The following FAAP24 variants were observed in gnomAD, a reference collection of about 807,000 sequenced individuals.
FAAP24 encodes the protein Fanconi anemia core complex-associated protein 24.
Under a neutral mutation model 14.3 loss-of-function variants are expected in FAAP24, and 16 were observed. The observed-to-expected ratio is 1.12, with a 90% confidence interval of 0.76 to 1.69. The LOEUF (loss-of-function observed/expected upper bound fraction) is 1.69. Ranked by LOEUF, FAAP24 falls within the 40% of genes most tolerant of loss-of-function variation. FAAP24 has a pLI of 0.00. For synonymous variants in FAAP24, 111 were observed against 106.2 expected, an observed-to-expected ratio of 1.04 and a Z score of -0.28; for missense variants, 234 against 262.7, an observed-to-expected ratio of 0.89 and a Z score of 0.75.
intron 4 of FAAP24, 42 bp downstream of exon 4, chr19:32,974,254 A>G (rs1568304354): frequency 1.3e-6 from 2 of 1,572,920 alleles, no homozygotes; most frequent in East Asian, 2.3e-5. Context: ...TCCTGTCCTC[A>G]TGGACACTCA....
Position 32,973,262 on chromosome 19 carries a change from T to A in FAAP24, c.66T>A (p.Asn22Lys), listed in dbSNP as rs1051873950. 9 of 1,613,772 alleles carry A rather than the reference T, an allele frequency of 5.6e-6. No individual in the cohort carries two copies. The African/African-American group carries it at 9.4e-5, about 17-fold the overall frequency. Reference sequence around the variant, plus strand: ...TGCCTTTGGGGCATATTGTGGCCAATGAGAAATGGCGCGGGTCACAGCTGG... The same window carrying A: ...TGCCTTTGGGGCATATTGTGGCCAAAGAGAAATGGCGCGGGTCACAGCTGG... The part of the protein sequence containing the change: ...VHVPLGHIVA[N>K]EKWRGSQLAQ... Residue 22 changes from asparagine to lysine, a missense_variant, in exon 2 of 5, where the codon AAT (asparagine) becomes AAA (lysine). Transcript: ENST00000588258.
Position 32,977,535 on chromosome 19 carries a change from CT to C in FAAP24, c.*862del, listed in dbSNP as rs570906015. Reference sequence around the variant, plus strand: ...TCCTTTGTTCCTCCCTCCCCCCGGCCTTTTTTTTTGGCAGATGTACAGTTTG... The same window carrying C: ...TCCTTTGTTCCTCCCTCCCCCCGGCCTTTTTTTTGGCAGATGTACAGTTTG... On this transcript the variant is annotated 3_prime_UTR_variant, in exon 5 of 5. Coordinates refer to ENST00000588258, the MANE Select transcript of FAAP24 (RefSeq NM_152266.5). 40 of 385,620 alleles carry C rather than the reference CT, an allele frequency of 1.0e-4. No homozygotes were observed. The highest frequency in any genetic ancestry group is 4.0e-4 in the South Asian group (3 of 7,450). 23.9% of individuals were successfully genotyped at this position (385,620 alleles called of 1,614,324 possible). A position where few individuals can be genotyped will look rare whatever the true frequency, so the allele number is the denominator to read the frequency against.
rs1235269609 is a variant in FAAP24, at chr19:32,976,380, G to A, written c.397-51G>A. 11 of 1,546,728 alleles carry A rather than the reference G, an allele frequency of 7.1e-6. No individual in the cohort carries two copies. The South Asian group carries it at 7.3e-5, about 10-fold the overall frequency. Reference sequence around the variant, plus strand: ...TCTACAAAACATATTTTAAGAAAACGGCCAGTCCTCCAGAGGGCGCTCACG... The same window carrying A: ...TCTACAAAACATATTTTAAGAAAACAGCCAGTCCTCCAGAGGGCGCTCACG... On this transcript the variant is annotated intron_variant, in intron 4 of 4. Coordinates refer to ENST00000588258, the MANE Select transcript of FAAP24 (RefSeq NM_152266.5).
At chr19:32,975,579 C>T (rs1971506255) in intron 4 of FAAP24, among the ~76,000 whole-genome samples, 1 of 151,796 alleles carries the variant, frequency 6.6e-6, no homozygotes, top group African/African-American at 2.4e-5. Flanking sequence ...CCTGCCTCAG[C>T]CTCCCGAGTA....
intron 4 of FAAP24, 88 bp downstream of exon 4, chr19:32,974,300 G>T: frequency 7.1e-7 from 1 of 1,418,384 alleles, no homozygotes; most frequent in East Asian, 2.3e-5. Flanking sequence ...TCCAATCTAT[G>T]TCATTCTCTG....
intron 4 of FAAP24, among the ~76,000 whole-genome samples, chr19:32,975,064 G>T (rs1599798792): frequency 6.7e-6 from 1 of 149,464 alleles, no homozygotes; most frequent in South Asian, 2.1e-4. Flanking sequence ...TTAGTAGACA[G>T]GGTTTCACCA....
At chr19:32,974,793 A>C (rs1971494501) in intron 4 of FAAP24, among the ~76,000 whole-genome samples, 1 of 152,174 alleles carries the variant, frequency 6.6e-6, no homozygotes, top group Admixed American at 6.6e-5. Flanking sequence ...CAAAAAAAGA[A>C]AGAAAGAAAG....
At chr19:32,973,761 G>A (rs568678008) in intron 3 of FAAP24, among the ~76,000 whole-genome samples, 199 bp downstream of exon 3, 191 of 152,254 alleles carry the variant, frequency 1.3e-3, no homozygotes, top group Admixed American at 4.3e-3. Context: ...AGGCTGAGAC[G>A]GGAGAATTGC....
intron 4 of FAAP24, among the ~76,000 whole-genome samples, chr19:32,975,980 C>T (rs566396526): frequency 6.6e-6 from 1 of 152,324 alleles, no homozygotes; most frequent in Admixed American, 6.5e-5. Flanking sequence ...TACTATATCC[C>T]TTGCGTCACC....
At chr19:32,975,754 GGCC>G (rs1250836688) in intron 4 of FAAP24, among the ~76,000 whole-genome samples, 5 of 152,180 alleles carry the variant, frequency 3.3e-5, no homozygotes, top group African/African-American at 1.2e-4. Flanking sequence ...CATCGCGCCC[GGCC>G]GCCAACACTT....
intron 2 of FAAP24, 35 bp downstream of exon 2, chr19:32,973,337 C>G: frequency 1.9e-6 from 3 of 1,605,398 alleles, no homozygotes; most frequent in Non-Finnish European, 2.5e-6. Context: ...CCTTTCCTCC[C>G]CTGACATATT....
rs749099422 is a variant in FAAP24, at chr19:32,973,423, A to G, written c.107-3A>G. ...GAACTCATTTTCTTCTCTGTATTTT[A>G]AGGGAAAATTAAGCTCATTTTCGAG... On this transcript the variant is annotated splice_region_variant and splice_polypyrimidine_tract_variant and intron_variant, in intron 2 of 4. Coordinates refer to ENST00000588258, the MANE Select transcript of FAAP24 (RefSeq NM_152266.5). The G allele has an allele frequency of 1.2e-6, 2 of 1,613,714 alleles. No individual in the cohort carries two copies. The highest frequency in any genetic ancestry group is 2.2e-5 in the East Asian group (1 of 44,882).
chr19:32,973,004 C>A (rs991217375), intron 1 of FAAP24, among the ~76,000 whole-genome samples, 180 bp from the exon 2 acceptor site: 2 of 151,908 alleles, frequency 1.3e-5, no homozygotes, highest in African/African-American at 4.8e-5. Context: ...AGGTGTGAGC[C>A]ACCGCGCCCA....
chr19:32,974,806 A>G lies in FAAP24; in HGVS notation c.396+594A>G, dbSNP rs550725953. On this transcript the variant is annotated intron_variant, in intron 4 of 4. Transcript: ENST00000588258. ...CTCAAAAAAAGAAAGAAAGAAAGAA[A>G]ATGTTAACTAGAAGCTGCTTTGTCT... 8.4e-4 allele frequency among the ~76,000 whole-genome samples: 128 copies of G among 152,116 alleles called. No homozygotes were observed. In the South Asian group the frequency reaches 9.3e-3, roughly 11 times the overall value.
chr19:32,973,958 T>C, intron 3 of FAAP24, 102 bp from the exon 4 acceptor site: 1 of 1,154,100 alleles, frequency 8.7e-7, no homozygotes, highest in Non-Finnish European at 1.3e-6. Flanking sequence ...CTTGGTATCA[T>C]TTATTTAAAA....
At chr19:32,973,897 A>AT (rs1156501449) in intron 3 of FAAP24, among the ~76,000 whole-genome samples, 163 bp from the exon 4 acceptor site, 4 of 152,146 alleles carry the variant, frequency 2.6e-5, no homozygotes, top group African/African-American at 7.2e-5. Context: ...TAAGCATTGG[A>AT]TTAAAGAAAC....
chr19:32,972,536 C>T (rs1029865980), intron 1 of FAAP24, among the ~76,000 whole-genome samples, 190 bp downstream of exon 1: 1 of 151,976 alleles, frequency 6.6e-6, no homozygotes, highest in African/African-American at 2.4e-5. Context: ...CTCAGCCTTG[C>T]CCAATGTTGG....
chr19:32,973,075 A>T, intron 1 of FAAP24, 109 bp from the exon 2 acceptor site: 1 of 756,598 alleles, frequency 1.3e-6, no homozygotes, highest in Non-Finnish European at 2.2e-6. Flanking sequence ...TTTGACAAAT[A>T]ATTCAGTTTG....
intron 4 of FAAP24, 141 bp from the exon 5 acceptor site, chr19:32,976,290 T>C: frequency 9.7e-7 from 1 of 1,028,166 alleles, no homozygotes. Flanking sequence ...TGAGAAATTA[T>C]ATTCATGATA....
Sources: gnomAD v4.1 joint callset for allele counts (sites outside exome capture counted in the v4.1 genomes callset) on GRCh38, gnomAD v4.1.1 for gene constraint, MANE v1.5 for transcripts, NCBI Gene and HGNC (gene_info 2026-07-23, HGNC 2026-07-21) for gene names.